TMEM201: variants seen among roughly 807,000 people sequenced by gnomAD.
TMEM201 encodes the protein transmembrane protein 201.
Under a neutral mutation model 63.4 loss-of-function variants are expected in TMEM201, and 26 were observed. The observed-to-expected ratio is 0.41, with a 90% CI of 0.30 to 0.57. The LOEUF is 0.57. Among genes scored for constraint, TMEM201 ranks in the 20% least tolerant of loss-of-function variants. The pLI is 0.29. For synonymous variants in TMEM201, 417 were observed against 421.6 expected (o/e 0.99, Z 0.14); for missense variants, 794 against 917.7 (o/e 0.87, Z 1.74).
In TMEM201 at chr1:9,613,721, C is replaced by A. The variant is rs4450053; in HGVS notation, c.*638C>A. The stretch of plus-strand genomic sequence containing the variant: ...AGCCCCTGCCCCACCCTCCCCTGCC[C>A]CATGTGCCCTGCTTTGTGACCTCTG... On this transcript the variant is annotated 3_prime_UTR_variant, in exon 11 of 11. Coordinates refer to ENST00000340381, the MANE Select transcript of TMEM201 (RefSeq NM_001130924.3). The A allele has an allele frequency of 0.83, 126,253 of 152,030 alleles. 52,718 individuals are homozygous for A. The highest frequency in any genetic ancestry group is 0.89 in the Admixed American group (13,667 of 15,290). The allele number at this position is 152,030 out of a possible 1,614,324, so 9.4% of individuals were successfully genotyped here. A position where few individuals can be genotyped will look rare whatever the true frequency, so the allele number is the denominator to read the frequency against.
chr1:9,590,806 C>T (rs1022056168), intron 1 of TMEM201, among the ~76,000 whole-genome samples: 2 of 152,178 alleles, frequency 1.3e-5, no homozygotes, highest in Non-Finnish European at 2.9e-5. Context: ...TGGCCACTGT[C>T]ACGATTCAGA....
rs1569948614 is a variant in TMEM201 at position 9,605,064 on chromosome 1, G to C, written c.1161-2493G>C. 1.0e-6 allele frequency: 1 copy of C among 975,526 alleles called. No homozygotes were observed. Among genetic ancestry groups the C allele is most frequent in the African/African-American group, 1.8e-5 (1 of 56,976 alleles). 60.4% of individuals were successfully genotyped at this position (975,526 alleles called of 1,614,324 possible). On this transcript the variant is annotated intron_variant, in intron 6 of 10. Coordinates refer to ENST00000340381, the MANE Select transcript of TMEM201 (RefSeq NM_001130924.3). The surrounding 1 kb of genome is among the most constrained non-coding windows in gnomAD (Gnocchi z 5.7). The stretch of plus-strand genomic sequence containing the variant: ...GGTACAGACACGTCCACAGGAGTCA[G>C]GTTTGGGAGCCAGTGACAATGACAC...
At chr1:9,594,367 G>C (rs965480193) in intron 1 of TMEM201, among the ~76,000 whole-genome samples, 5 of 152,224 alleles carry the variant, frequency 3.3e-5, no homozygotes, top group African/African-American at 1.2e-4. Flanking sequence ...TGTGGGCCGA[G>C]GCTGCTGGGG....
chr1:9,607,516 G>T lies in TMEM201; in HGVS notation c.1161-41G>T. On this transcript the variant is annotated intron_variant, in intron 6 of 10. Coordinates refer to ENST00000340381, the MANE Select transcript of TMEM201 (RefSeq NM_001130924.3). The surrounding 1 kb of genome is among the most constrained non-coding windows in gnomAD (Gnocchi z 5.4). ...TGCAAGGCTGCCTCCAGGACCTCCC[G>T]CTGACCCTCTTCTTGTCCCGTGCCT... The T allele has an allele frequency of 6.7e-7, 1 of 1,493,188 alleles. No individual in the cohort carries two copies. The allele number at this position is 1,493,188 out of a possible 1,614,324, so 92.5% of individuals were successfully genotyped here. A position where few individuals can be genotyped will look rare whatever the true frequency, so the allele number is the denominator to read the frequency against.
intron 6 of TMEM201, among the ~76,000 whole-genome samples, chr1:9,606,921 G>A (rs1644253485): frequency 6.6e-6 from 1 of 152,184 alleles, no homozygotes; most frequent in Non-Finnish European, 1.5e-5. Context: ...AGGCCTGGCT[G>A]CCCCCCAGTT....
chr1:9,593,467 A>G (rs1168487136), intron 1 of TMEM201, among the ~76,000 whole-genome samples: 1 of 152,082 alleles, frequency 6.6e-6, no homozygotes, highest in Admixed American at 6.6e-5. Context: ...CCCACCCCCA[A>G]CTCTAGCAGG....
At chr1:9,609,799 T>C (rs776363531) in intron 7 of TMEM201, 41 bp from the exon 8 acceptor site, 8 of 1,539,320 alleles carry the variant, frequency 5.2e-6, no homozygotes, top group South Asian at 2.4e-5. Context: ...CTGCACGTCA[T>C]CCACAGGCCT....
intron 10 of TMEM201, 42 bp downstream of exon 10, chr1:9,611,932 A>G (rs533811504): frequency 2.0e-4 from 302 of 1,497,420 alleles, no homozygotes; most frequent in Non-Finnish European, 2.5e-4. Context: ...GTGGGCACAC[A>G]TCCGAAGCCA....
intron 1 of TMEM201, among the ~76,000 whole-genome samples, chr1:9,591,749 G>A (rs779829302): frequency 1.3e-5 from 2 of 152,170 alleles, no homozygotes; most frequent in African/African-American, 2.4e-5. Flanking sequence ...CCCCTGTAAC[G>A]GCCCTTCCCG....
At chr1:9,589,967 C>G (rs886708095) in intron 1 of TMEM201, among the ~76,000 whole-genome samples, 1 of 152,230 alleles carries the variant, frequency 6.6e-6, no homozygotes, top group Admixed American at 6.5e-5. Flanking sequence ...GAACCCTGAT[C>G]GTCTGGCTGG....
At position 9,607,692 on chromosome 1, in the gene TMEM201, G is replaced by C. The variant is rs1274347539; in HGVS notation, c.1296G>C (p.Gln432His). The stretch of plus-strand genomic sequence containing the variant: ...GCTTCCTGCCCCTCGCCAACCAGCA[G>C]CTCTTCCGGTCTCCTCGACGGACCT... ...PPSFLPLANQ[Q>H]LFRSPRRTSP... Residue 432 changes from glutamine to histidine, a missense_variant, in exon 7 of 11, where the codon CAG becomes CAC. Physicochemically the swap from Gln to His is conservative, Grantham distance 24 (BLOSUM62 0). Coordinates refer to ENST00000340381, the MANE Select transcript of TMEM201 (RefSeq NM_001130924.3). This position sits in a 1 kb window ranked among gnomAD's most constrained non-coding sequence, Gnocchi z 5.4. The C allele has an allele frequency of 6.4e-7, 1 of 1,551,980 alleles. No individual in the cohort carries two copies.
chr1:9,593,311 C>G (rs1200167165), intron 1 of TMEM201, among the ~76,000 whole-genome samples: 1 of 152,204 alleles, frequency 6.6e-6, no homozygotes, highest in African/African-American at 2.4e-5. Context: ...ACCTGCAATT[C>G]ATGCCCAGCT....
chr1:9,608,114 A>C lies in TMEM201; in HGVS notation c.1393+325A>C, dbSNP rs912114570. ...TAATTAACTGGGCATGGTGGCGTAC[A>C]CCTATAGTCCCAGCTATTTAGGCTG... On this transcript the variant is annotated intron_variant, in intron 7 of 10. Transcript: ENST00000340381. This position sits in a 1 kb window ranked among gnomAD's most constrained non-coding sequence, Gnocchi z 4.3. Among the ~76,000 whole-genome samples, 7 of 152,210 alleles carry C rather than the reference A, an allele frequency of 4.6e-5. No homozygotes were observed. The highest frequency in any genetic ancestry group is 1.7e-4 in the African/African-American group (7 of 41,538).
At chr1:9,597,847 C>A (rs1644054463) in intron 3 of TMEM201, among the ~76,000 whole-genome samples, 1 of 152,218 alleles carries the variant, frequency 6.6e-6, no homozygotes, top group African/African-American at 2.4e-5. Flanking sequence ...AGCAAGGGAT[C>A]ACACTCCTGA....
rs1569943849 is a variant in TMEM201 at position 9,603,503 on chromosome 1, T to C, written c.1160+1231T>C. The C allele has an allele frequency of 4.1e-6, 4 of 985,372 alleles. No homozygotes were observed. The highest frequency in any genetic ancestry group is 3.5e-5 in the African/African-American group (2 of 57,236). The allele number at this position is 985,372 out of a possible 1,614,324, so 61.0% of individuals were successfully genotyped here. On this transcript the variant is annotated intron_variant, in intron 6 of 10. Coordinates refer to ENST00000340381, the MANE Select transcript of TMEM201 (RefSeq NM_001130924.3). This position sits in a 1 kb window ranked among gnomAD's most constrained non-coding sequence, Gnocchi z 4.5. The stretch of plus-strand genomic sequence containing the variant: ...GCTGCCCACTCCCTCAGGGCCCACA[T>C]GTCCTGCCACTCGCCACTCTGAGCA...
intron 5 of TMEM201, 40 bp downstream of exon 5, chr1:9,601,494 A>G (rs925429152): frequency 1.3e-6 from 2 of 1,540,508 alleles, no homozygotes; most frequent in Non-Finnish European, 1.7e-6. Context: ...CGGGCAGGGG[A>G]CTGTGTGCTG....
chr1:9,590,417 G>A (rs1317997542), intron 1 of TMEM201, among the ~76,000 whole-genome samples: 2 of 152,208 alleles, frequency 1.3e-5, no homozygotes, highest in Non-Finnish European at 2.9e-5. Context: ...CCTCAAGGAT[G>A]AGAGCCTGGG....
In TMEM201 at chr1:9,608,073, A is replaced by G. The variant is rs1644273137; in HGVS notation, c.1393+284A>G. ...GGCAACATAGGGAGACGCTGTCTCT[A>G]CAAAAAAAGTTGTTTTAATTAACTG... On this transcript the variant is annotated intron_variant, in intron 7 of 10. Transcript: ENST00000340381. This position sits in a 1 kb window ranked among gnomAD's most constrained non-coding sequence, Gnocchi z 4.3. 6.6e-6 allele frequency among the ~76,000 whole-genome samples: 1 copy of G among 152,192 alleles called. No homozygotes were observed.
chr1:9,610,939 C>G lies in TMEM201; in HGVS notation c.1765+134C>G. 1 of 1,501,762 alleles carries G rather than the reference C, an allele frequency of 6.7e-7. No homozygotes were observed. The highest frequency in any genetic ancestry group is 8.9e-7 in the Non-Finnish European group (1 of 1,118,624). The allele number at this position is 1,501,762 out of a possible 1,614,324, so 93.0% of individuals were successfully genotyped here. A position where few individuals can be genotyped will look rare whatever the true frequency, so the allele number is the denominator to read the frequency against. On this transcript the variant is annotated intron_variant, in intron 9 of 10. Transcript: ENST00000340381. The surrounding 1 kb of genome is among the most constrained non-coding windows in gnomAD (Gnocchi z 4.9). The stretch of plus-strand genomic sequence containing the variant: ...CTTCCCACCCTGGAGCTCTAGGCAC[C>G]CCATTCCGGCTCTGGTGACTTGAAC...
Sources: gnomAD v4.1 joint callset for allele counts (sites outside exome capture counted in the v4.1 genomes callset) on GRCh38, gnomAD v4.1.1 for gene constraint, Gnocchi (gnomAD v3.1) non-coding constraint, MANE v1.5 for transcripts, NCBI Gene and HGNC (gene_info 2026-07-23, HGNC 2026-07-21) for gene names.